The following CNTN4 variants were observed in gnomAD, a reference collection of about 807,000 sequenced individuals.
CNTN4 encodes the protein contactin 4, also known as contactin-4.
A neutral mutation model predicts 122.5 loss-of-function variants in CNTN4; 77 were observed. That is an observed-to-expected ratio of 0.63 (90% CI 0.52 to 0.76). The LOEUF (loss-of-function observed/expected upper bound fraction) is 0.76. Ranked by LOEUF, CNTN4 falls within the 30% of genes least tolerant of loss-of-function variation. CNTN4 has a pLI of 0.00. For missense variants in CNTN4, 1,256 were observed against 1,259.1 expected (o/e 1.00, Z 0.04); for synonymous variants, 512 against 447.0 (o/e 1.15, Z -1.83).
intron 3 of CNTN4, among the ~76,000 whole-genome samples, chr3:2,553,230 G>C (rs1206803155): frequency 1.3e-5 from 2 of 152,118 alleles, no homozygotes; most frequent in Admixed American, 6.6e-5. Flanking sequence ...TTATTTCAGA[G>C]ACACAAGAAC....
rs149105174 is a variant in CNTN4 at position 2,763,147 on chromosome 3, A to G, written c.358+17450A>G. ...TTTTTAGTAGAGACGGGGTTTCACC[A>G]TGTTAGCCAGGATGGTTTCGATCTC... On this transcript the variant is annotated intron_variant, in intron 6 of 24. Coordinates refer to ENST00000418658, the MANE Select transcript of CNTN4 (RefSeq NM_175607.3). Among the ~76,000 whole-genome samples the G allele has an allele frequency of 9.2e-4, 140 of 151,916 alleles. 1 individual carries two copies. The East Asian group carries it at 0.019, about 20-fold the overall frequency.
intron 3 of CNTN4, among the ~76,000 whole-genome samples, chr3:2,555,445 T>C (rs2149388205): frequency 6.6e-6 from 1 of 152,322 alleles, no homozygotes; most frequent in African/African-American, 2.4e-5. Context: ...TGTCTCTCCC[T>C]TTAGGGCATG....
At chr3:3,037,674 A>G (rs1043420861) in intron 18 of CNTN4, 3 of 356,658 alleles carry the variant, frequency 8.4e-6, no homozygotes, top group South Asian at 4.8e-5. Context: ...ATCTCACATA[A>G]GTAACTAATG....
intron 4 of CNTN4, among the ~76,000 whole-genome samples, chr3:2,586,010 C>T (rs1224472291): frequency 1.3e-5 from 2 of 152,030 alleles, no homozygotes; most frequent in Admixed American, 6.6e-5. Flanking sequence ...TACCATCCTC[C>T]TTCCTCTCTG....
At chr3:2,212,729 T>A (rs79770008) in intron 2 of CNTN4, among the ~76,000 whole-genome samples, 21,606 of 152,228 alleles carry the variant, frequency 0.14, 1,907 homozygotes, top group Non-Finnish European at 0.2. Flanking sequence ...TTTTTTCAAT[T>A]GTTGCATATT....
chr3:2,245,644 A>G lies in CNTN4; in HGVS notation c.-144-93534A>G, dbSNP rs142590836. On this transcript the variant is annotated intron_variant, in intron 2 of 24. Transcript: ENST00000418658. ...AATGTACCATGTACATGTTTTTAGAACTCTTAGCATTTTGATTTAAAATAA... is the reference window on the plus strand; with the variant it reads ...AATGTACCATGTACATGTTTTTAGAGCTCTTAGCATTTTGATTTAAAATAA... Among the ~76,000 whole-genome samples, 448 of 152,104 alleles carry G rather than the reference A, an allele frequency of 2.9e-3. 3 individuals carry two copies. Among genetic ancestry groups the G allele is most frequent in the African/African-American group, 0.01 (429 of 41,522 alleles).
At chr3:3,021,680 A>C (rs1698306352) in intron 14 of CNTN4, among the ~76,000 whole-genome samples, 1 of 152,216 alleles carries the variant, frequency 6.6e-6, no homozygotes, top group Non-Finnish European at 1.5e-5. Flanking sequence ...CTGTAAATGA[A>C]AGATAAATTA....
At chr3:2,706,830 T>C (rs2086769867) in intron 4 of CNTN4, among the ~76,000 whole-genome samples, 1 of 152,186 alleles carries the variant, frequency 6.6e-6, no homozygotes, top group Non-Finnish European at 1.5e-5. Flanking sequence ...TTTCCTGGTA[T>C]GACCTTGGAC....
chr3:2,547,264 A>ATTTC (rs2078286074), intron 3 of CNTN4, among the ~76,000 whole-genome samples: 1 of 134,482 alleles, frequency 7.4e-6, no homozygotes, highest in South Asian at 2.3e-4. Flanking sequence ...TTATTTATTT[A>ATTTC]TTTATTTATT....
chr3:2,902,677 A>G (rs1289852770), intron 11 of CNTN4, among the ~76,000 whole-genome samples, 199 bp from the exon 12 acceptor site: 1 of 152,174 alleles, frequency 6.6e-6, no homozygotes, highest in African/African-American at 2.4e-5. Flanking sequence ...CCATTTACCA[A>G]CTGATGTACT....
intron 3 of CNTN4, among the ~76,000 whole-genome samples, chr3:2,527,403 C>T (rs1189602123): frequency 6.7e-6 from 1 of 149,518 alleles, no homozygotes; most frequent in Non-Finnish European, 1.5e-5. Flanking sequence ...AATGAGGGAA[C>T]AATGTATGCT....
intron 3 of CNTN4, among the ~76,000 whole-genome samples, chr3:2,356,637 C>G (rs979471031): frequency 7.9e-5 from 12 of 152,146 alleles, no homozygotes; most frequent in African/African-American, 2.7e-4. Flanking sequence ...TGCCAACCTC[C>G]TATCTCATCC....
chr3:2,981,521 T>C (rs981930866), intron 13 of CNTN4, among the ~76,000 whole-genome samples: 11 of 151,980 alleles, frequency 7.2e-5, no homozygotes, highest in African/African-American at 2.7e-4. Flanking sequence ...CCTTAACTCC[T>C]GTATCACTAT....
At chr3:2,588,430 G>C (rs1489155714) in intron 4 of CNTN4, among the ~76,000 whole-genome samples, 1 of 150,406 alleles carries the variant, frequency 6.6e-6, no homozygotes, top group East Asian at 2.0e-4. Flanking sequence ...GCAGTGGTGT[G>C]ATCTCGGCTC....
intron 13 of CNTN4, among the ~76,000 whole-genome samples, chr3:2,936,184 G>A (rs1027312151): frequency 6.6e-6 from 1 of 152,160 alleles, no homozygotes; most frequent in African/African-American, 2.4e-5. Context: ...CTCAGGTAGT[G>A]TCTGCCGTGA....
At chr3:2,546,959 T>G (rs2078269935) in intron 3 of CNTN4, among the ~76,000 whole-genome samples, 1 of 152,132 alleles carries the variant, frequency 6.6e-6, no homozygotes, top group African/African-American at 2.4e-5. Context: ...GTAGTTAACT[T>G]TTATTGAGTA....
intron 14 of CNTN4, among the ~76,000 whole-genome samples, chr3:2,990,661 A>T (rs115456087): frequency 0.01 from 1,552 of 152,338 alleles, 29 homozygotes; most frequent in African/African-American, 0.035. Flanking sequence ...CCTGCTGCTC[A>T]TCTTACACTG....
chr3:2,466,274 T>G (rs1382599215), intron 3 of CNTN4, among the ~76,000 whole-genome samples: 1 of 152,210 alleles, frequency 6.6e-6, no homozygotes, highest in East Asian at 1.9e-4. Flanking sequence ...CTTGTCAAAC[T>G]AATATATCCT....
At chr3:2,326,383 A>G (rs1344393343) in intron 2 of CNTN4, among the ~76,000 whole-genome samples, 1 of 152,050 alleles carries the variant, frequency 6.6e-6, no homozygotes, top group Non-Finnish European at 1.5e-5. Flanking sequence ...GACTGGAAAT[A>G]GACTGTCAGC....
Sources: gnomAD v4.1 joint callset for allele counts (sites outside exome capture counted in the v4.1 genomes callset) on GRCh38, gnomAD v4.1.1 for gene constraint, MANE v1.5 for transcripts, NCBI Gene and HGNC (gene_info 2026-07-23, HGNC 2026-07-21) for gene names.